CDKN2B-AS1: variants seen among roughly 807,000 people sequenced by gnomAD.
CDKN2B-AS1 encodes CDKN2B and CDKN2A antisense cis and trans regulatory RNA 1, also known as CDKN2B antisense RNA 1 (non-protein coding).
At chr9:22,103,444 G>A (rs771033288) in intron 4 of CDKN2B-AS1, among the ~76,000 whole-genome samples, 11 of 152,034 alleles carry the variant, frequency 7.2e-5, no homozygotes, top group Non-Finnish European at 1.5e-4. Context: ...GAAGTGCCTG[G>A]CATTCCTGCA....
intron 1 of CDKN2B-AS1, among the ~76,000 whole-genome samples, chr9:22,034,039 C>T (rs1051982720): frequency 1.3e-5 from 2 of 152,082 alleles, no homozygotes; most frequent in Middle Eastern, 3.4e-3. Context: ...GGTGTAACTT[C>T]GATAAAAGAC....
rs1368347303 is a variant in CDKN2B-AS1 at position 22,006,104 on chromosome 9, G to A, written n.29+10943G>A. The A allele has an allele frequency of 6.2e-7, 1 of 1,609,644 alleles. No homozygotes were observed. Among genetic ancestry groups the A allele is most frequent in the Middle Eastern group, 1.7e-4 (1 of 5,938 alleles). ...GCACGTCCAGCCGCGCCCCGGCCCG[G>A]TGCAGCACCACCAGCGTGTCCAGGA... On this transcript the variant is annotated intron_variant and non_coding_transcript_variant, in intron 1 of 4. Transcript: ENST00000650946. This position sits in a 1 kb window ranked among gnomAD's most constrained non-coding sequence, Gnocchi z 6.4.
intron 1 of CDKN2B-AS1, chr9:22,008,884 G>A (rs1681440237): frequency 6.2e-7 from 1 of 1,612,408 alleles, no homozygotes; most frequent in Non-Finnish European, 8.5e-7. Flanking sequence ...ACTAGTCCCC[G>A]CGCCGCGGCG....
At chr9:22,085,694 G>A (rs1489587354) in intron 4 of CDKN2B-AS1, among the ~76,000 whole-genome samples, 1 of 146,070 alleles carries the variant, frequency 6.8e-6, no homozygotes, top group Non-Finnish European at 1.5e-5. Flanking sequence ...GCACTCCAGC[G>A]AGGGCAACAG....
At chr9:22,100,126 A>G (rs781541458) in intron 4 of CDKN2B-AS1, among the ~76,000 whole-genome samples, 10 of 152,168 alleles carry the variant, frequency 6.6e-5, no homozygotes, top group Non-Finnish European at 1.5e-4. Context: ...TTATTCTTTT[A>G]ATTATTCCTC....
chr9:22,098,157 C>CTGTGTGTG lies in CDKN2B-AS1; in HGVS notation n.439-28924_439-28917dup, dbSNP rs35998780. The stretch of plus-strand genomic sequence containing the variant: ...ATGGAATATCTTTCTCTCTCTGTCT[C>CTGTGTGTG]TGTGTGTGTGTGTGTGTGTGTGTGT... On this transcript the variant is annotated intron_variant and non_coding_transcript_variant, in intron 4 of 4. Coordinates refer to ENST00000650946, the Ensembl canonical transcript of CDKN2B-AS1. Among the ~76,000 whole-genome samples, 133 of 146,112 alleles carry CTGTGTGTG rather than the reference C, an allele frequency of 9.1e-4. 1 individual carries two copies. The highest frequency in any genetic ancestry group is 3.2e-3 in the African/African-American group (131 of 40,592).
chr9:22,108,593 G>C (rs1486928857), intron 4 of CDKN2B-AS1, among the ~76,000 whole-genome samples: 1 of 152,108 alleles, frequency 6.6e-6, no homozygotes, highest in East Asian at 1.9e-4. Context: ...GCTTAATCTT[G>C]GCTTTGCACA....
At chr9:22,055,524 C>T (rs1823523107) in intron 3 of CDKN2B-AS1, among the ~76,000 whole-genome samples, 1 of 152,076 alleles carries the variant, frequency 6.6e-6, no homozygotes. Flanking sequence ...AGTAGTTTTG[C>T]CAGCATTCTT....
chr9:22,080,456 C>G (rs1216754118), intron 4 of CDKN2B-AS1, among the ~76,000 whole-genome samples: 1 of 152,210 alleles, frequency 6.6e-6, no homozygotes, highest in East Asian at 1.9e-4. Context: ...CTTCTGTTCA[C>G]AATACACTGT....
At chr9:22,041,473 T>C (rs1822893882) in intron 1 of CDKN2B-AS1, among the ~76,000 whole-genome samples, 1 of 152,120 alleles carries the variant, frequency 6.6e-6, no homozygotes, top group African/African-American at 2.4e-5. Context: ...CAATATCATA[T>C]ATGCATAATA....
intron 1 of CDKN2B-AS1, among the ~76,000 whole-genome samples, chr9:22,040,164 C>G (rs763820973): frequency 6.6e-6 from 1 of 152,006 alleles, no homozygotes; most frequent in Non-Finnish European, 1.5e-5. Flanking sequence ...GTTTGTGGCA[C>G]TTTGTACAGC....
intron 4 of CDKN2B-AS1, among the ~76,000 whole-genome samples, chr9:22,113,446 C>T (rs2131369749): frequency 6.6e-6 from 1 of 152,318 alleles, no homozygotes; most frequent in Admixed American, 6.5e-5. Context: ...TCTGGATAAT[C>T]TTTTACTTAA....
intron 4 of CDKN2B-AS1, among the ~76,000 whole-genome samples, chr9:22,069,174 C>A (rs556741915): frequency 6.6e-6 from 1 of 152,060 alleles, no homozygotes; most frequent in Non-Finnish European, 1.5e-5. Context: ...AATTTCATTC[C>A]TGGGCCCCTG....
At chr9:22,009,795 T>A (rs952126219) in intron 1 of CDKN2B-AS1, among the ~76,000 whole-genome samples, 13 of 152,236 alleles carry the variant, frequency 8.5e-5, no homozygotes, top group Admixed American at 2.6e-4. Context: ...TCATAACTTG[T>A]ATCAAACTTA....
At chr9:22,003,200 C>T (rs914943475) in intron 1 of CDKN2B-AS1, 3 of 216,304 alleles carry the variant, frequency 1.4e-5, no homozygotes, top group Admixed American at 5.8e-5. Context: ...TTAATTTTTA[C>T]ATGGCATTGA....
At chr9:22,016,350 A>G (rs1326748954) in intron 1 of CDKN2B-AS1, among the ~76,000 whole-genome samples, 1 of 152,222 alleles carries the variant, frequency 6.6e-6, no homozygotes, top group Non-Finnish European at 1.5e-5. Context: ...AAGAATCAAT[A>G]TCGTGAAAAT....
intron 4 of CDKN2B-AS1, among the ~76,000 whole-genome samples, chr9:22,062,972 G>GACACACAC (rs1338866723): frequency 4.2e-5 from 2 of 47,574 alleles, no homozygotes; most frequent in African/African-American, 5.6e-4. Flanking sequence ...GTGTGTGAAA[G>GACACACAC]ACAGACACAC....
intron 1 of CDKN2B-AS1, chr9:22,009,287 C>A (rs575060525): frequency 4.2e-6 from 2 of 477,632 alleles, no homozygotes; most frequent in East Asian, 4.0e-5. Flanking sequence ...CTCACTGCCC[C>A]GCCTCGCTCT....
intron 1 of CDKN2B-AS1, among the ~76,000 whole-genome samples, chr9:22,016,572 A>G (rs1405019851): frequency 6.6e-6 from 1 of 152,188 alleles, no homozygotes; most frequent in African/African-American, 2.4e-5. Flanking sequence ...AGTAACCAAA[A>G]CAGCATGGTA....
Sources: gnomAD v4.1 joint callset for allele counts (sites outside exome capture counted in the v4.1 genomes callset) on GRCh38, gnomAD v4.1.1 for gene constraint, Gnocchi (gnomAD v3.1) non-coding constraint, MANE v1.5 for transcripts, NCBI Gene and HGNC (gene_info 2026-07-23, HGNC 2026-07-21) for gene names.